The following IQSEC1 variants were observed in gnomAD, a reference collection of about 807,000 sequenced individuals.
IQSEC1 encodes the protein IQ motif and SEC7 domain-containing protein 1.
In IQSEC1, 31 loss-of-function variants were observed where a neutral mutation model predicts 91.0. The observed-to-expected ratio is 0.34, with a 90% CI of 0.26 to 0.46. The LOEUF (loss-of-function observed/expected upper bound fraction) is 0.46, where lower values mean the gene tolerates loss of function less well. Ranked by LOEUF, IQSEC1 falls within the 20% of genes least tolerant of loss-of-function variation. The pLI, the probability that IQSEC1 is intolerant of heterozygous loss-of-function variation, is 1.00. For synonymous variants in IQSEC1, 699 were observed against 662.6 expected (o/e 1.05, Z -0.84); for missense variants, 1,388 against 1,575.6 (o/e 0.88, Z 2.02).
intron 1 of IQSEC1, among the ~76,000 whole-genome samples, chr3:13,071,882 G>T (rs1050151462): frequency 6.6e-6 from 1 of 151,758 alleles, no homozygotes; most frequent in Non-Finnish European, 1.5e-5. Context: ...AGAGGCCACC[G>T]CCATCCCCCG....
At chr3:13,035,878 T>C (rs946286854) in intron 1 of IQSEC1, among the ~76,000 whole-genome samples, 1 of 152,228 alleles carries the variant, frequency 6.6e-6, no homozygotes, top group Non-Finnish European at 1.5e-5. Context: ...TTGCTTGCCC[T>C]TGGGACCCAG....
At chr3:13,073,660 G>C (rs1042912078), upstream of IQSEC1, among the ~76,000 whole-genome samples, 3 of 152,252 alleles carry the variant, frequency 2.0e-5, no homozygotes, top group Non-Finnish European at 4.4e-5. Context: ...TAAAATGCAC[G>C]CGCCGCGCGG....
At chr3:13,083,036 T>C (rs916150454) in intron 2 of IQSEC1, among the ~76,000 whole-genome samples, 1 of 152,352 alleles carries the variant, frequency 6.6e-6, no homozygotes, top group Non-Finnish European at 1.5e-5. Context: ...GAAGGGACTC[T>C]GTAATAATTA....
chr3:13,168,912 A>C (rs1352683347), intron 1 of IQSEC1, among the ~76,000 whole-genome samples: 2 of 152,108 alleles, frequency 1.3e-5, no homozygotes, highest in African/African-American at 4.8e-5. Flanking sequence ...ACAATCTGAA[A>C]TTGTCTTATT....
At chr3:13,232,416 C>G (rs1280458289) in intron 1 of IQSEC1, among the ~76,000 whole-genome samples, 7 of 152,236 alleles carry the variant, frequency 4.6e-5, no homozygotes, top group African/African-American at 1.7e-4. Flanking sequence ...CCCTCTCTGG[C>G]AGGAGGCTGT....
chr3:13,166,266 C>T (rs1025669399), intron 1 of IQSEC1, among the ~76,000 whole-genome samples: 1 of 152,246 alleles, frequency 6.6e-6, no homozygotes, highest in African/African-American at 2.4e-5. Context: ...GTCTTGTGGC[C>T]TTCACTCAGG....
chr3:13,063,507 C>G (rs952794178), intron 1 of IQSEC1, among the ~76,000 whole-genome samples: 2 of 152,126 alleles, frequency 1.3e-5, no homozygotes, highest in South Asian at 4.1e-4. Flanking sequence ...GCAGGAGTGG[C>G]CGTCAGCAGG....
intron 1 of IQSEC1, among the ~76,000 whole-genome samples, chr3:13,246,147 C>T (rs1262952160): frequency 2.6e-5 from 4 of 152,294 alleles, no homozygotes; most frequent in South Asian, 4.1e-4. Context: ...AAACAAAATG[C>T]GGCCTATCCA....
rs1192973374 is a variant in IQSEC1, at chr3:12,898,274, T to C, written c.*2709A>G. On this transcript the variant is annotated 3_prime_UTR_variant, in exon 14 of 14. Coordinates refer to ENST00000613206, the MANE Select transcript of IQSEC1 (RefSeq NM_001134382.3). Reference sequence around the variant, plus strand: ...GGAGCTTTTGCTTTCCCAAACAAGATGTGGGCAGCATGACTCCAGCCTCTG... The same window carrying C: ...GGAGCTTTTGCTTTCCCAAACAAGACGTGGGCAGCATGACTCCAGCCTCTG... 6.6e-6 allele frequency: 1 copy of C among 152,260 alleles called. No individual in the cohort carries two copies. The highest frequency in any genetic ancestry group is 2.4e-5 in the African/African-American group (1 of 41,464). The allele number at this position is 152,260 out of a possible 1,614,324, so 9.4% of individuals were successfully genotyped here.
intron 2 of IQSEC1, among the ~76,000 whole-genome samples, chr3:13,137,973 G>A (rs183427276): frequency 6.6e-6 from 1 of 152,332 alleles, no homozygotes; most frequent in African/African-American, 2.4e-5. Flanking sequence ...TCTGTCACTC[G>A]CAGCTGTTCT....
At chr3:13,122,015 C>G (rs1706433892) in intron 2 of IQSEC1, among the ~76,000 whole-genome samples, 1 of 152,272 alleles carries the variant, frequency 6.6e-6, no homozygotes, top group African/African-American at 2.4e-5. Context: ...GCTGACAGCA[C>G]TGGCCCTGGC....
rs1694306826 is a variant in IQSEC1, at chr3:12,901,541, G to A, written c.2806-19C>T. On this transcript the variant is annotated intron_variant, in intron 13 of 13. Transcript: ENST00000613206. ...TGGACCCCTAAAAAGGAAATTCATAGAAATCAAAATTAAAAGATCTTCAAG... is the reference window on the plus strand; with the variant it reads ...TGGACCCCTAAAAAGGAAATTCATAAAAATCAAAATTAAAAGATCTTCAAG... 4 of 1,535,528 alleles carry A rather than the reference G, an allele frequency of 2.6e-6. No homozygotes were observed. The highest frequency in any genetic ancestry group is 3.5e-6 in the Non-Finnish European group (4 of 1,140,402).
intron 6 of IQSEC1, among the ~76,000 whole-genome samples, chr3:12,917,536 A>G (rs1696215804): frequency 1.3e-5 from 2 of 152,184 alleles, no homozygotes. Context: ...TCAGTGCTAC[A>G]CACTTAAGTT....
Position 12,899,346 on chromosome 3 carries a change from T to G in IQSEC1, c.*1637A>C. ...GAGCTTCGCCCTTTCTGAAAGGGCC[T>G]CCGCCTGGGCAGGCGCCGGGGGGCA... On this transcript the variant is annotated 3_prime_UTR_variant, in exon 14 of 14. Coordinates refer to ENST00000613206, the MANE Select transcript of IQSEC1 (RefSeq NM_001134382.3). The G allele has an allele frequency of 6.2e-7, 1 of 1,606,138 alleles. No homozygotes were observed. The highest frequency in any genetic ancestry group is 1.1e-5 in the South Asian group (1 of 90,316).
At chr3:13,117,569 CAAAAAAAAAAA>C (rs34002295) in intron 2 of IQSEC1, among the ~76,000 whole-genome samples, 3 of 9,446 alleles carry the variant, frequency 3.2e-4, no homozygotes, top group African/African-American at 4.3e-4. Context: ...GACTCCGTCT[CAAAAAAAAAAA>C]AAAAAAAAAA....
Position 13,153,451 on chromosome 3 carries a change from T to TAGG in IQSEC1, c.302+10650_302+10652dup, listed in dbSNP as rs147569149. ...AGAAGTTCAGTCATCGGGGCTGAACTAGGGATAGTTCAGTTTGGAGACCCA... is the reference window on the plus strand; with the variant it reads ...AGAAGTTCAGTCATCGGGGCTGAACTAGGAGGGATAGTTCAGTTTGGAGACCCA... On this transcript the variant is annotated intron_variant, in intron 2 of 15. Transcript: ENST00000648114. Among the ~76,000 whole-genome samples, 865 of 152,246 alleles carry TAGG rather than the reference T, an allele frequency of 5.7e-3. 8 individuals carry two copies. Among genetic ancestry groups the TAGG allele is most frequent in the African/African-American group, 0.019 (801 of 41,540 alleles).
chr3:13,130,065 G>T (rs1350607891), intron 2 of IQSEC1, among the ~76,000 whole-genome samples: 1 of 151,248 alleles, frequency 6.6e-6, no homozygotes, highest in Non-Finnish European at 1.5e-5. Flanking sequence ...GTATTGTTTG[G>T]CTGGGTGCAG....
chr3:12,947,223 C>T (rs1232401040), intron 1 of IQSEC1, among the ~76,000 whole-genome samples: 3 of 152,174 alleles, frequency 2.0e-5, no homozygotes, highest in Admixed American at 6.5e-5. Flanking sequence ...TGCCAATACC[C>T]GACGTGATGA....
intron 1 of IQSEC1, among the ~76,000 whole-genome samples, chr3:13,053,624 G>A (rs1282993195): frequency 6.6e-6 from 1 of 152,152 alleles, no homozygotes; most frequent in Non-Finnish European, 1.5e-5. Context: ...GCTCACCAGC[G>A]GCAACACACT....
Sources: allele counts gnomAD v4.1 joint callset (sites outside exome capture counted in the v4.1 genomes callset), GRCh38; gene constraint gnomAD v4.1.1; transcripts MANE v1.5; gene names NCBI Gene and HGNC (gene_info 2026-07-23, HGNC 2026-07-21).